Variants in STXBP4 observed in about 807,000 individuals in gnomAD.
STXBP4 encodes the protein syntaxin binding protein 4.
In STXBP4, 55 loss-of-function variants were observed where a neutral mutation model predicts 76.1. That is an observed-to-expected ratio of 0.72 (90% confidence interval 0.58 to 0.91). STXBP4 has a LOEUF of 0.91. Ranked by LOEUF, STXBP4 falls within the 40% of genes least tolerant of loss-of-function variation. The pLI, the probability that STXBP4 is intolerant of heterozygous loss-of-function variation, is 0.00. For missense variants in STXBP4, 618 were observed against 636.9 expected, an observed-to-expected ratio of 0.97 and a Z score of 0.32; for synonymous variants, 201 against 220.2, an observed-to-expected ratio of 0.91 and a Z score of 0.77.
At chr17:55,053,260 T>G (rs772567171) in intron 12 of STXBP4, among the ~76,000 whole-genome samples, 4 of 152,032 alleles carry the variant, frequency 2.6e-5, no homozygotes, top group Non-Finnish European at 4.4e-5. Context: ...GAAAATATCC[T>G]TATTCATAGG....
chr17:55,000,191 G>A (rs2077884754), intron 6 of STXBP4: 24 of 984,878 alleles, frequency 2.4e-5, no homozygotes, highest in Admixed American at 6.2e-5. Context: ...ACTGAAGTGA[G>A]GCCATCTTCC....
Position 55,162,600 on chromosome 17 carries a change from G to A in STXBP4, c.*2689G>A, listed in dbSNP as rs958404011. On this transcript the variant is annotated 3_prime_UTR_variant, in exon 18 of 18. Coordinates refer to ENST00000376352, the MANE Select transcript of STXBP4 (RefSeq NM_178509.6). ...AAAAAAAAACAACAAAAGAGTTTGT[G>A]TGTGGCCAGGACTAAACAGCTGCTT... 1 of 151,160 alleles carries A rather than the reference G, an allele frequency of 6.6e-6. No homozygotes were observed. The highest frequency in any genetic ancestry group is 2.4e-5 in the African/African-American group (1 of 41,210). 9.4% of individuals were successfully genotyped at this position (151,160 alleles called of 1,614,324 possible). A position where few individuals can be genotyped will look rare whatever the true frequency, so the allele number is the denominator to read the frequency against.
Position 55,000,281 on chromosome 17 carries a change from G to A in STXBP4, c.498+439G>A, listed in dbSNP as rs1309518686. 4 of 984,952 alleles carry A rather than the reference G, an allele frequency of 4.1e-6. No homozygotes were observed. In the African/African-American group the frequency reaches 7.0e-5, roughly 17 times the overall value. 61.0% of individuals were successfully genotyped at this position (984,952 alleles called of 1,614,324 possible). A position where few individuals can be genotyped will look rare whatever the true frequency, so the allele number is the denominator to read the frequency against. On this transcript the variant is annotated intron_variant, in intron 6 of 17. Transcript: ENST00000376352. ...CTAAGAAGGTATTGCTCCTTCATGT[G>A]TGCATGCTATAGTTCACCCAAGTAG...
At chr17:55,182,452 G>A in the STXBP4 span, among the ~76,000 whole-genome samples, 1 of 152,118 alleles carries the variant, frequency 6.6e-6, no homozygotes, top group Non-Finnish European at 1.5e-5. Context: ...GGCATATGAA[G>A]TACAGTGAGA....
Position 55,173,301 on chromosome 17 carries a change from G to T in STXBP4, c.*13390G>T, listed in dbSNP as rs978891537. 6.6e-6 allele frequency: 1 copy of T among 152,124 alleles called. No individual in the cohort carries two copies. The highest frequency in any genetic ancestry group is 6.5e-5 in the Admixed American group (1 of 15,282). The allele number at this position is 152,124 out of a possible 1,614,324, so 9.4% of individuals were successfully genotyped here. ...ATACAGAACAGTTTTATCATTTCAA[G>T]TGCTCTCCTGCTATGCTTTTATAAC... On this transcript the variant is annotated 3_prime_UTR_variant, in exon 18 of 18. Transcript: ENST00000376352.
intron 16 of STXBP4, among the ~76,000 whole-genome samples, chr17:55,108,521 C>T (rs1386627453): frequency 6.6e-6 from 1 of 152,162 alleles, no homozygotes; most frequent in African/African-American, 2.4e-5. Flanking sequence ...TGCTTGAAAC[C>T]CTGGACCCTC....
At chr17:55,101,317 C>T (rs1390285186) in intron 16 of STXBP4, among the ~76,000 whole-genome samples, 2 of 152,134 alleles carry the variant, frequency 1.3e-5, no homozygotes, top group Non-Finnish European at 2.9e-5. Context: ...GATAAACACC[C>T]TCCCTACCCC....
At chr17:55,072,413 A>T (rs2079131036) in intron 12 of STXBP4, among the ~76,000 whole-genome samples, 1 of 152,114 alleles carries the variant, frequency 6.6e-6, no homozygotes, top group Non-Finnish European at 1.5e-5. Flanking sequence ...CAAAAGGGAG[A>T]AGTAGTAGAT....
chr17:55,171,646 T>C lies in STXBP4; in HGVS notation c.*11735T>C, dbSNP rs1456961296. ...TGCCATGTACATGGAAACTGACTGC[T>C]CTCATGTTACGGGTTGAACTGTGTC... On this transcript the variant is annotated 3_prime_UTR_variant, in exon 18 of 18. Coordinates refer to ENST00000376352, the MANE Select transcript of STXBP4 (RefSeq NM_178509.6). The C allele has an allele frequency of 6.6e-6, 1 of 152,204 alleles. No homozygotes were observed. The highest frequency in any genetic ancestry group is 1.5e-5 in the Non-Finnish European group (1 of 68,044). 9.4% of individuals were successfully genotyped at this position (152,204 alleles called of 1,614,324 possible). A position where few individuals can be genotyped will look rare whatever the true frequency, so the allele number is the denominator to read the frequency against.
intron 16 of STXBP4, among the ~76,000 whole-genome samples, chr17:55,120,997 G>A (rs913766256): frequency 2.0e-5 from 3 of 152,172 alleles, no homozygotes; most frequent in Middle Eastern, 6.8e-3. Context: ...GCTAGCAGTG[G>A]CCCTGTGTTT....
rs142364160 is a variant in STXBP4, at chr17:54,974,524, G to A, written c.-157+5709G>A. Among the ~76,000 whole-genome samples, 10 of 152,300 alleles carry A rather than the reference G, an allele frequency of 6.6e-5. No homozygotes were observed. In the South Asian group the frequency reaches 1.0e-3, roughly 16 times the overall value. ...AACAGAAATCATTTATCAATAGAAG[G>A]CATTTATTAATTCAAGTAATGTTTA... On this transcript the variant is annotated intron_variant, in intron 1 of 17. Coordinates refer to ENST00000376352, the MANE Select transcript of STXBP4 (RefSeq NM_178509.6).
intron 4 of STXBP4, among the ~76,000 whole-genome samples, chr17:54,992,024 C>T (rs527731942): frequency 2.0e-5 from 3 of 152,020 alleles, no homozygotes; most frequent in South Asian, 2.1e-4. Context: ...GGAAAAATTC[C>T]GTTTTACCAA....
At chr17:55,118,164 A>T (rs916100244) in intron 16 of STXBP4, among the ~76,000 whole-genome samples, 2 of 152,018 alleles carry the variant, frequency 1.3e-5, no homozygotes, top group African/African-American at 4.8e-5. Flanking sequence ...AAAAGCAAAC[A>T]ATAAACAGGA....
At chr17:55,188,530 C>T in the STXBP4 span, among the ~76,000 whole-genome samples, 1 of 152,178 alleles carries the variant, frequency 6.6e-6, no homozygotes, top group Non-Finnish European at 1.5e-5. Context: ...TCCAGAGCAC[C>T]TTATGGAATA....
chr17:55,117,555 T>G (rs2079795579), intron 16 of STXBP4, among the ~76,000 whole-genome samples: 1 of 151,220 alleles, frequency 6.6e-6, no homozygotes, highest in Non-Finnish European at 1.5e-5. Flanking sequence ...TAAAGTTACA[T>G]GTCTTTAAGA....
intron 16 of STXBP4, among the ~76,000 whole-genome samples, chr17:55,129,446 G>T (rs2079950730): frequency 6.6e-6 from 1 of 152,028 alleles, no homozygotes; most frequent in African/African-American, 2.4e-5. Context: ...CTAAAATTAA[G>T]GTAGGTGCCA....
rs749461797 is a variant in STXBP4, at chr17:55,078,127, T to G, written c.1238T>G (p.Leu413Ter). ...AGAATCATGGTACTCGACTGCCAAT[T>G]ACGAAAATCAGAAATGGCTCGAAAA... The part of the protein sequence containing the change: ...KKRIMVLDCQ[L>*]RKSEMARKTF... The change falls in exon 14 of 18, where the codon TTA becomes TGA. Residue 413 changes from leucine to a stop codon, truncating the protein, a stop_gained. Coordinates refer to ENST00000376352, the MANE Select transcript of STXBP4 (RefSeq NM_178509.6). LOFTEE classifies it high-confidence loss of function. 1 of 1,612,562 alleles carries G rather than the reference T, an allele frequency of 6.2e-7. No individual in the cohort carries two copies. The highest frequency in any genetic ancestry group is 1.7e-5 in the Admixed American group (1 of 59,798).
At chr17:55,031,455 A>G (rs919961115) in intron 9 of STXBP4, among the ~76,000 whole-genome samples, 191 bp downstream of exon 9, 4 of 152,158 alleles carry the variant, frequency 2.6e-5, no homozygotes, top group African/African-American at 9.7e-5. Context: ...CAGCAGAAAG[A>G]AGAATTTCAT....
At chr17:55,043,743 T>C in intron 11 of STXBP4, 1 of 1,117,686 alleles carries the variant, frequency 8.9e-7, no homozygotes, top group Admixed American at 2.6e-5. Flanking sequence ...TTTGCTAACG[T>C]AATTTGGAAT....
Sources: allele counts gnomAD v4.1 joint callset (sites outside exome capture counted in the v4.1 genomes callset), GRCh38; gene constraint gnomAD v4.1.1; transcripts MANE v1.5; gene names NCBI Gene and HGNC (gene_info 2026-07-23, HGNC 2026-07-21).